ST8SIA3: variants seen among roughly 807,000 people sequenced by gnomAD.
The protein encoded by ST8SIA3 is ST8 alpha-N-acetyl-neuraminide alpha-2,8-sialyltransferase 3, also known as alpha-N-acetylneuraminate alpha-2,8-sialyltransferase ST8SIA3.
In ST8SIA3, 17 loss-of-function variants were observed where a neutral mutation model predicts 34.5. The observed-to-expected ratio is 0.49, with a 90% CI of 0.34 to 0.74. ST8SIA3 has a LOEUF of 0.74. ST8SIA3 is among the 30% of genes least tolerant of loss of function. The probability of loss-of-function intolerance (pLI) is 0.01; values close to 1 mark genes in which losing one functional copy is unlikely to be tolerated. For missense variants in ST8SIA3, 354 were observed against 467.8 expected (o/e 0.76, Z 2.24); for synonymous variants, 172 against 176.1 (o/e 0.98, Z 0.19).
In ST8SIA3 at chr18:57,360,259, T is replaced by G. The variant is rs891851810; in HGVS notation, c.1125T>G (p.Thr375=). The change falls in exon 4 of 4, where the codon ACT becomes ACG. Residue 375 remains threonine (T), a synonymous_variant. Coordinates refer to ENST00000324000, the MANE Select transcript of ST8SIA3 (RefSeq NM_015879.3). Reference sequence around the variant, plus strand: ...ATGGGGAAGGGCTCACCAAGCTGACTCTGTCACACTGTGCCTAAGAACTCC... The same window carrying G: ...ATGGGGAAGGGCTCACCAAGCTGACGCTGTCACACTGTGCCTAAGAACTCC... ...RMHGEGLTKL[T]LSHCA 3 of 1,613,904 alleles carry G rather than the reference T, an allele frequency of 1.9e-6. No homozygotes were observed. The highest frequency in any genetic ancestry group is 2.5e-6 in the Non-Finnish European group (3 of 1,179,858).
chr18:57,356,401 TTAA>T (rs2049797751), intron 2 of ST8SIA3, among the ~76,000 whole-genome samples: 1 of 152,202 alleles, frequency 6.6e-6, no homozygotes, highest in Non-Finnish European at 1.5e-5. Flanking sequence ...TCTTCATATT[TTAA>T]TAATAGATAG....
intron 3 of ST8SIA3, 69 bp downstream of exon 3, chr18:57,357,539 G>A: frequency 7.9e-7 from 1 of 1,266,226 alleles, no homozygotes; most frequent in South Asian, 1.4e-5. Context: ...ATCTCTTGGG[G>A]GTGGGAGCCA....
chr18:57,357,954 A>G (rs185308416), intron 3 of ST8SIA3, among the ~76,000 whole-genome samples: 1 of 152,316 alleles, frequency 6.6e-6, no homozygotes, highest in East Asian at 1.9e-4. Context: ...TTATAATCTG[A>G]TATTTGAGTG....
chr18:57,365,077 T>C lies in ST8SIA3; in HGVS notation c.*4800T>C, dbSNP rs2049852974. On this transcript the variant is annotated 3_prime_UTR_variant, in exon 4 of 4. Coordinates refer to ENST00000324000, the MANE Select transcript of ST8SIA3 (RefSeq NM_015879.3). ...TGATCTCCCAGCAAACACAGCTGTA[T>C]GAAATAAGCAACTCTTCAAAATACA... 6.6e-6 allele frequency: 1 copy of C among 152,148 alleles called. No individual in the cohort carries two copies. 9.4% of individuals were successfully genotyped at this position (152,148 alleles called of 1,614,324 possible).
rs1353986512 is a variant in ST8SIA3 at position 57,362,318 on chromosome 18, G to A, written c.*2041G>A. On this transcript the variant is annotated 3_prime_UTR_variant, in exon 4 of 4. Transcript: ENST00000324000. ...TGTTCCTGAGCACTTAGTTCATTTGGTTATAGCTAAGTGATATTAATGCCA... is the reference window on the plus strand; with the variant it reads ...TGTTCCTGAGCACTTAGTTCATTTGATTATAGCTAAGTGATATTAATGCCA... 2 of 152,206 alleles carry A rather than the reference G, an allele frequency of 1.3e-5. No individual in the cohort carries two copies. Among genetic ancestry groups the A allele is most frequent in the Middle Eastern group, 3.4e-3 (1 of 294 alleles). The allele number at this position is 152,206 out of a possible 1,614,324, so 9.4% of individuals were successfully genotyped here.
At position 57,357,070 on chromosome 18, in the gene ST8SIA3, A is replaced by C; in HGVS notation, c.460A>C (p.Ile154Leu). 6.2e-7 allele frequency: 1 copy of C among 1,614,138 alleles called. No individual in the cohort carries two copies. Among genetic ancestry groups the C allele is most frequent in the South Asian group, 1.1e-5 (1 of 91,086 alleles). ...GTCACTTCTTCCAGATGTGTCACCC[A>C]TTATGAACAAGCATTATAATATTTG... ...FRSLLPDVSP[I>L]MNKHYNICAV... Residue 154 changes from isoleucine (I) to leucine (L), a missense_variant, in exon 3 of 4, where the codon ATT becomes CTT. This residue lies in a region of ST8SIA3 where 184 missense variants were observed against 205.4 expected (regional missense o/e 0.90). Transcript: ENST00000324000.
Position 57,357,104 on chromosome 18 carries a change from T to C in ST8SIA3, c.494T>C (p.Val165Ala), listed in dbSNP as rs2049802791. 1 of 1,614,054 alleles carries C rather than the reference T, an allele frequency of 6.2e-7. No individual in the cohort carries two copies. The stretch of plus-strand genomic sequence containing the variant: ...AAGCATTATAATATTTGTGCTGTGG[T>C]TGGAAATAGTGGGATCCTGACAGGG... Reference protein sequence around the residue: ...MNKHYNICAVVGNSGILTGSQ... With the variant: ...MNKHYNICAVAGNSGILTGSQ... The change falls in exon 3 of 4, where the codon GTT (valine) becomes GCT (alanine). Residue 165 changes from valine (V) to alanine (A), a missense_variant. Coordinates refer to ENST00000324000, the MANE Select transcript of ST8SIA3 (RefSeq NM_015879.3).
Position 57,357,420 on chromosome 18 carries a change from G to T in ST8SIA3, c.810G>T (p.Gln270His). The change falls in exon 3 of 4, where the codon CAG (glutamine) becomes CAT (histidine). Residue 270 changes from glutamine to histidine, a missense_variant. By Grantham distance (24) the Gln-to-His change is conservative (BLOSUM62 0). Around this residue, in one of 3 missense-constraint regions of ST8SIA3, gnomAD observed 166 missense variants for 245.2 expected, o/e 0.68. Transcript: ENST00000324000. ...LVDFFVEHRG[Q>H]LKVQLAWPGN... Reference sequence around the variant, plus strand: ...ACTTTTTTGTTGAACACAGAGGTCAGTTAAAAGTCCAACTGGCTTGGCCGG... The same window carrying T: ...ACTTTTTTGTTGAACACAGAGGTCATTTAAAAGTCCAACTGGCTTGGCCGG... 6.2e-7 allele frequency: 1 copy of T among 1,612,906 alleles called. No individual in the cohort carries two copies. The highest frequency in any genetic ancestry group is 1.1e-5 in the South Asian group (1 of 91,074).
rs2049806163 is a variant in ST8SIA3, at chr18:57,357,488, C to G, written c.860+18C>G. The G allele has an allele frequency of 6.3e-7, 1 of 1,577,564 alleles. No individual in the cohort carries two copies. Among genetic ancestry groups the G allele is most frequent in the Non-Finnish European group, 8.6e-7 (1 of 1,156,682 alleles). On this transcript the variant is annotated intron_variant, in intron 3 of 3. Transcript: ENST00000324000. Reference sequence around the variant, plus strand: ...GTCAACAGGTGTGTATATTTTATTACATTTTACTCATACTCCACCAGATGG... The same window carrying G: ...GTCAACAGGTGTGTATATTTTATTAGATTTTACTCATACTCCACCAGATGG...
intron 2 of ST8SIA3, among the ~76,000 whole-genome samples, chr18:57,355,210 C>T (rs954876355): frequency 6.6e-6 from 1 of 152,078 alleles, no homozygotes; most frequent in Non-Finnish European, 1.5e-5. Flanking sequence ...GAGATTTGTT[C>T]AAATGTATTT....
In ST8SIA3 at chr18:57,360,120, A is replaced by G. The variant is rs2049822186; in HGVS notation, c.986A>G (p.Asn329Ser). The G allele has an allele frequency of 3.1e-6, 5 of 1,614,146 alleles. No individual in the cohort carries two copies. Among genetic ancestry groups the G allele is most frequent in the Non-Finnish European group, 4.2e-6 (5 of 1,180,000 alleles). Reference sequence around the variant, plus strand: ...TTTTGGCCGTTTGGATTTGACCCCAACACAAGGGAAGATCTTCCATACCAT... The same window carrying G: ...TTTTGGCCGTTTGGATTTGACCCCAGCACAAGGGAAGATCTTCCATACCAT... ...YGFWPFGFDPNTREDLPYHYY... is the reference protein window; with the variant it reads ...YGFWPFGFDPSTREDLPYHYY... Residue 329 changes from asparagine to serine, a missense_variant, in exon 4 of 4, where the codon AAC becomes AGC. This residue lies in a region of ST8SIA3 where 166 missense variants were observed against 245.2 expected (regional missense o/e 0.68). Coordinates refer to ENST00000324000, the MANE Select transcript of ST8SIA3 (RefSeq NM_015879.3).
chr18:57,356,646 G>A (rs547351045), intron 2 of ST8SIA3, among the ~76,000 whole-genome samples: 15 of 152,246 alleles, frequency 9.9e-5, no homozygotes, highest in East Asian at 3.9e-4. Flanking sequence ...CACTCTTCAC[G>A]TAGAGCAGAA....
rs75219598 is a variant in ST8SIA3, at chr18:57,359,092, G to A, written c.861-903G>A. 5.8e-3 allele frequency among the ~76,000 whole-genome samples: 877 copies of A among 152,098 alleles called. 8 individuals carry two copies. The highest frequency in any genetic ancestry group is 0.02 in the African/African-American group (841 of 41,468). On this transcript the variant is annotated intron_variant, in intron 3 of 3. Coordinates refer to ENST00000324000, the MANE Select transcript of ST8SIA3 (RefSeq NM_015879.3). Reference sequence around the variant, plus strand: ...TAATCATAATGTTTCTTAGCCACTCGGGCCTCAAAAAAATACATGGGTTCA... The same window carrying A: ...TAATCATAATGTTTCTTAGCCACTCAGGCCTCAAAAAAATACATGGGTTCA...
chr18:57,357,824 T>C (rs1020795821), intron 3 of ST8SIA3, among the ~76,000 whole-genome samples: 2 of 152,206 alleles, frequency 1.3e-5, no homozygotes, highest in African/African-American at 4.8e-5. Flanking sequence ...TGCCAATGGC[T>C]AAATTAGAGA....
rs201567031 is a variant in ST8SIA3, at chr18:57,357,226, A to G, written c.616A>G (p.Asn206Asp). ...AFQRDVGRKTNLTTFNPSILE... is the reference protein window; with the variant it reads ...AFQRDVGRKTDLTTFNPSILE... ...CCAAAGAGATGTTGGAAGAAAAACC[A>G]ATCTTACCACCTTCAACCCCAGCAT... The change falls in exon 3 of 4, where the codon AAT becomes GAT. Residue 206 changes from asparagine (N) to aspartate (D), a missense_variant. Physicochemically the swap from Asn to Asp is conservative, Grantham distance 23. Transcript: ENST00000324000. 69 of 1,614,092 alleles carry G rather than the reference A, an allele frequency of 4.3e-5. 1 individual carries two copies. The highest frequency in any genetic ancestry group is 2.6e-4 in the South Asian group (24 of 91,084).
In ST8SIA3 at chr18:57,368,896, G is replaced by A. The variant is rs987117714; in HGVS notation, c.*8619G>A. On this transcript the variant is annotated 3_prime_UTR_variant, in exon 4 of 4. Coordinates refer to ENST00000324000, the MANE Select transcript of ST8SIA3 (RefSeq NM_015879.3). Reference sequence around the variant, plus strand: ...TTCCAAACACAGTACTGAATGCGTTGTTTTTAAATAAACCATTTCGTTTTG... The same window carrying A: ...TTCCAAACACAGTACTGAATGCGTTATTTTTAAATAAACCATTTCGTTTTG... The A allele has an allele frequency of 1.3e-5, 2 of 152,230 alleles. No homozygotes were observed. Among genetic ancestry groups the A allele is most frequent in the Non-Finnish European group, 2.9e-5 (2 of 68,052 alleles). 9.4% of individuals were successfully genotyped at this position (152,230 alleles called of 1,614,324 possible).
Position 57,366,440 on chromosome 18 carries a change from GT to G in ST8SIA3, c.*6166del, listed in dbSNP as rs1568103654. On this transcript the variant is annotated 3_prime_UTR_variant, in exon 4 of 4. Coordinates refer to ENST00000324000, the MANE Select transcript of ST8SIA3 (RefSeq NM_015879.3). ...TAATTTAACTACCAGTTAAAACCAT[GT>G]TTGGCTGATCTTTTTTAAAAAATCT... 6.6e-6 allele frequency: 1 copy of G among 152,506 alleles called. No homozygotes were observed. The highest frequency in any genetic ancestry group is 1.9e-4 in the East Asian group (1 of 5,200). The allele number at this position is 152,506 out of a possible 1,614,324, so 9.4% of individuals were successfully genotyped here.
Position 57,360,305 on chromosome 18 carries a change from C to T in ST8SIA3, c.*28C>T, listed in dbSNP as rs777866195. On this transcript the variant is annotated 3_prime_UTR_variant, in exon 4 of 4. Transcript: ENST00000324000. ...ACTCCAAACGGAAAGCGCCAAATGGCTGTTTAAAAAGTGCCCCAAATCAAA... is the reference window on the plus strand; with the variant it reads ...ACTCCAAACGGAAAGCGCCAAATGGTTGTTTAAAAAGTGCCCCAAATCAAA... The T allele has an allele frequency of 1.2e-5, 19 of 1,598,530 alleles. No individual in the cohort carries two copies. The highest frequency in any genetic ancestry group is 1.4e-5 in the Non-Finnish European group (16 of 1,170,584).
chr18:57,365,364 A>G lies in ST8SIA3; in HGVS notation c.*5087A>G, dbSNP rs1330895527. 6.6e-6 allele frequency: 1 copy of G among 152,248 alleles called. No homozygotes were observed. Among genetic ancestry groups the G allele is most frequent in the Non-Finnish European group, 1.5e-5 (1 of 68,042 alleles). The allele number at this position is 152,248 out of a possible 1,614,324, so 9.4% of individuals were successfully genotyped here. On this transcript the variant is annotated 3_prime_UTR_variant, in exon 4 of 4. Coordinates refer to ENST00000324000, the MANE Select transcript of ST8SIA3 (RefSeq NM_015879.3). ...TCAACAATTCAGCTGTTTCAGCCGA[A>G]TTGACCAGTTGCTAATTTATAAGCA...
Sources: gnomAD v4.1 joint callset for allele counts (sites outside exome capture counted in the v4.1 genomes callset) on GRCh38, gnomAD v4.1.1 for gene constraint, gnomAD v4.1.1 regional missense constraint, MANE v1.5 for transcripts, NCBI Gene and HGNC (gene_info 2026-07-23, HGNC 2026-07-21) for gene names.